The following CHRM3 variants were observed in gnomAD, a reference collection of about 807,000 sequenced individuals.
CHRM3 encodes the protein muscarinic acetylcholine receptor M3.
In CHRM3, 11 loss-of-function variants were observed where a neutral mutation model predicts 41.8. That is an observed-to-expected ratio of 0.26 (90% CI 0.17 to 0.44). The LOEUF is 0.44. Among genes scored for constraint, CHRM3 ranks in the 20% least tolerant of loss-of-function variants. The pLI is 1.00. For missense variants in CHRM3, 571 were observed against 745.4 expected, an observed-to-expected ratio of 0.77 and a Z score of 2.72; for synonymous variants, 297 against 301.4, an observed-to-expected ratio of 0.99 and a Z score of 0.15.
At chr1:239,558,338 A>C (rs1660559042) in intron 3 of CHRM3, among the ~76,000 whole-genome samples, 1 of 152,118 alleles carries the variant, frequency 6.6e-6, no homozygotes, top group South Asian at 2.1e-4. Context: ...GCTTTTTGTA[A>C]GTTTGCTTAA....
At chr1:239,435,636 G>A (rs897082408) in intron 1 of CHRM3, among the ~76,000 whole-genome samples, 1 of 151,738 alleles carries the variant, frequency 6.6e-6, no homozygotes, top group Non-Finnish European at 1.5e-5. Flanking sequence ...TTTCTTTTTG[G>A]TAAGTGTCCA....
At chr1:239,811,679 T>C (rs1671128761) in intron 5 of CHRM3, among the ~76,000 whole-genome samples, 1 of 152,134 alleles carries the variant, frequency 6.6e-6, no homozygotes. Context: ...CTTTAGAAAT[T>C]AGAAAAAGAT....
At chr1:239,434,776 A>G (rs1338263080) in intron 1 of CHRM3, among the ~76,000 whole-genome samples, 1 of 152,168 alleles carries the variant, frequency 6.6e-6, no homozygotes, top group Non-Finnish European at 1.5e-5. Context: ...AGAGAGGGAG[A>G]AGGAGAGAAA....
At chr1:239,781,807 T>G (rs555378328) in intron 5 of CHRM3, among the ~76,000 whole-genome samples, 88 of 152,258 alleles carry the variant, frequency 5.8e-4, no homozygotes, top group African/African-American at 2.0e-3. Flanking sequence ...CTTTGTTTAC[T>G]GGGACTTTTA....
intron 2 of CHRM3, among the ~76,000 whole-genome samples, chr1:239,529,645 A>G (rs1428009217): frequency 2.0e-5 from 3 of 150,768 alleles, no homozygotes; most frequent in African/African-American, 7.3e-5. Flanking sequence ...ACAAACAACA[A>G]CAATAACAAC....
Position 239,752,371 on chromosome 1 carries a change from T to A in CHRM3, c.-147+74083T>A, listed in dbSNP as rs552730403. ...AGAAGGATTTTTTTCTTGAGTCCTC[T>A]AAGAGAGATTGCCAGAGCACACACA... On this transcript the variant is annotated intron_variant, in intron 5 of 6. Coordinates refer to ENST00000676153, the MANE Select transcript of CHRM3 (RefSeq NM_001375978.1). Among the ~76,000 whole-genome samples, 32 of 152,326 alleles carry A rather than the reference T, an allele frequency of 2.1e-4. No individual in the cohort carries two copies. In the South Asian group the frequency reaches 6.4e-3, roughly 31 times the overall value.
Position 239,633,130 on chromosome 1 carries a change from C to T in CHRM3, c.-250+844C>T, listed in dbSNP as rs534031881. Among the ~76,000 whole-genome samples, 328 of 152,242 alleles carry T rather than the reference C, an allele frequency of 2.2e-3. 3 individuals are homozygous for T. The highest frequency in any genetic ancestry group is 5.0e-3 in the Admixed American group (76 of 15,298). ...TGGGACTACAAGCGCTGCCACCATGCCTGGCTAATTTTTTGTATTTTCAGT... is the reference window on the plus strand; with the variant it reads ...TGGGACTACAAGCGCTGCCACCATGTCTGGCTAATTTTTTGTATTTTCAGT... On this transcript the variant is annotated intron_variant, in intron 4 of 6. Transcript: ENST00000676153.
chr1:239,618,753 A>T (rs907720933), intron 3 of CHRM3, among the ~76,000 whole-genome samples: 1 of 145,660 alleles, frequency 6.9e-6, no homozygotes, highest in African/African-American at 2.5e-5. Context: ...CTGAGGCAGG[A>T]GAATGGCGTG....
rs1244047268 is a variant in CHRM3, at chr1:239,387,862, G to A, written c.-521+635G>A. 6.6e-6 allele frequency among the ~76,000 whole-genome samples: 1 copy of A among 152,182 alleles called. No homozygotes were observed. The highest frequency in any genetic ancestry group is 2.4e-5 in the African/African-American group (1 of 41,454). The stretch of plus-strand genomic sequence containing the variant: ...CCTAGTGCGCATCTTTACTGACCCG[G>A]GGAGAGTCTGCACTCGCGAGGCAGC... On this transcript the variant is annotated intron_variant, in intron 1 of 6. Coordinates refer to ENST00000676153, the MANE Select transcript of CHRM3 (RefSeq NM_001375978.1). This position sits in a 1 kb window ranked among gnomAD's most constrained non-coding sequence, Gnocchi z 5.1.
At chr1:239,642,385 C>A (rs1476309913) in intron 4 of CHRM3, among the ~76,000 whole-genome samples, 2 of 151,904 alleles carry the variant, frequency 1.3e-5, no homozygotes, top group Non-Finnish European at 2.9e-5. Context: ...CCATTCTCCC[C>A]GTCACTTTCA....
chr1:239,818,226 A>G (rs528595196), intron 5 of CHRM3, among the ~76,000 whole-genome samples: 1 of 152,166 alleles, frequency 6.6e-6, no homozygotes, highest in South Asian at 2.1e-4. Context: ...GAGAACTCTG[A>G]TTTACCTTCC....
At chr1:239,436,500 C>A (rs1032242936) in intron 1 of CHRM3, among the ~76,000 whole-genome samples, 1 of 152,018 alleles carries the variant, frequency 6.6e-6, no homozygotes, top group Non-Finnish European at 1.5e-5. Context: ...GTGCTGTGTG[C>A]AGTCTGGAGA....
intron 4 of CHRM3, among the ~76,000 whole-genome samples, chr1:239,653,628 G>T (rs1031988865): frequency 6.6e-6 from 1 of 152,156 alleles, no homozygotes; most frequent in Non-Finnish European, 1.5e-5. Context: ...ACAAGGGCTC[G>T]TTTAGCATTC....
At chr1:239,658,129 A>T (rs1234249883) in intron 4 of CHRM3, among the ~76,000 whole-genome samples, 1 of 152,244 alleles carries the variant, frequency 6.6e-6, no homozygotes, top group African/African-American at 2.4e-5. Flanking sequence ...AGTATCTAAT[A>T]AATATGAGAC....
chr1:239,456,597 C>T (rs1040963056), intron 1 of CHRM3, among the ~76,000 whole-genome samples: 6 of 152,120 alleles, frequency 3.9e-5, no homozygotes, highest in Admixed American at 6.5e-5. Flanking sequence ...TTAAGTGATG[C>T]GTGACCGTAT....
intron 5 of CHRM3, among the ~76,000 whole-genome samples, chr1:239,684,305 C>T (rs896856129): frequency 6.6e-6 from 1 of 152,166 alleles, no homozygotes; most frequent in East Asian, 1.9e-4. Context: ...GGACAGTCCC[C>T]CACAACAAAG....
chr1:239,871,775 G>A (rs1463495376), intron 6 of CHRM3, among the ~76,000 whole-genome samples: 1 of 152,104 alleles, frequency 6.6e-6, no homozygotes. Flanking sequence ...TACTGCCTTA[G>A]ACCTGATAAA....
At chr1:239,637,966 C>A (rs191365183) in intron 4 of CHRM3, among the ~76,000 whole-genome samples, 1 of 136,860 alleles carries the variant, frequency 7.3e-6, no homozygotes, top group South Asian at 2.4e-4. Context: ...CCTGTGTCCA[C>A]GTGTTCTCAT....
chr1:239,507,990 C>T (rs1438418154), intron 2 of CHRM3, among the ~76,000 whole-genome samples: 1 of 152,138 alleles, frequency 6.6e-6, no homozygotes, highest in East Asian at 1.9e-4. Context: ...TTATTTCAAG[C>T]ACAGAGCTAT....
Sources: gnomAD v4.1 joint callset for allele counts (sites outside exome capture counted in the v4.1 genomes callset) on GRCh38, gnomAD v4.1.1 for gene constraint, Gnocchi (gnomAD v3.1) non-coding constraint, MANE v1.5 for transcripts, NCBI Gene and HGNC (gene_info 2026-07-23, HGNC 2026-07-21) for gene names.